The following MYPN variants were observed in gnomAD, a reference collection of about 807,000 sequenced individuals.
MYPN encodes the protein sarcomeric protein myopalladin, 145 kDa (MYOP).
MYPN carries 63 observed loss-of-function variants against 129.4 expected under a neutral mutation model. That is an observed-to-expected ratio of 0.49 (90% CI 0.40 to 0.60). The LOEUF (loss-of-function observed/expected upper bound fraction) is 0.60. Among genes scored for constraint, MYPN ranks in the 20% least tolerant of loss-of-function variants. The probability of loss-of-function intolerance (pLI) is 0.00; values close to 1 mark genes in which losing one functional copy is unlikely to be tolerated. For missense variants in MYPN, 1,596 were observed against 1,635.4 expected, an observed-to-expected ratio of 0.98 and a Z score of 0.42; for synonymous variants, 629 against 600.9, an observed-to-expected ratio of 1.05 and a Z score of -0.68.
Position 68,201,946 on chromosome 10 carries a change from A to G in MYPN, c.3611A>G (p.Tyr1204Cys). The change falls in exon 18 of 20, where the codon TAC (tyrosine) becomes TGC (cysteine). Residue 1204 changes from tyrosine to cysteine, a missense_variant. Coordinates refer to ENST00000358913, the MANE Select transcript of MYPN (RefSeq NM_032578.4). ...ATAGGCATGCCCCCACCTGTGTTCT[A>G]CTGGAAGAAAGACAATGAGACCATC... is the stretch of plus-strand genomic sequence containing the variant. ...RVIGMPPPVF[Y>C]WKKDNETIPC... 6.2e-7 allele frequency: 1 copy of G among 1,614,072 alleles called. No homozygotes were observed. The highest frequency in any genetic ancestry group is 1.1e-5 in the South Asian group (1 of 91,076).
At chr10:68,119,830 G>T (rs1381224375) in intron 1 of MYPN, among the ~76,000 whole-genome samples, 2 of 152,198 alleles carry the variant, frequency 1.3e-5, no homozygotes, top group Admixed American at 1.3e-4. Flanking sequence ...TTTTACTGTG[G>T]ATGGTCCTTT....
chr10:68,094,294 C>A (rs368886867), intron 1 of MYPN, among the ~76,000 whole-genome samples: 1 of 150,338 alleles, frequency 6.7e-6, no homozygotes, highest in Non-Finnish European at 1.5e-5. Flanking sequence ...GATGGAGTTT[C>A]GCTCTTGTTG....
At chr10:68,109,930 A>G (rs1255089178) in intron 1 of MYPN, among the ~76,000 whole-genome samples, 1 of 152,248 alleles carries the variant, frequency 6.6e-6, no homozygotes, top group Non-Finnish European at 1.5e-5. Context: ...ACTCACAGAG[A>G]TCACAGACTA....
rs770384853 is a variant in MYPN, at chr10:68,121,528, T to C, written c.90T>C (p.Asn30=). ...YLAETRHRGN[N]ERSRAEPSSN... ...CTGAAACCAGACATCGGGGAAACAA[T>C]GAGAGGAGTCGAGCGGAGCCCTCCT... Residue 30 remains asparagine (N), a synonymous_variant, in exon 2 of 20, where the codon AAT becomes AAC. Coordinates refer to ENST00000358913, the MANE Select transcript of MYPN (RefSeq NM_032578.4). 1.9e-6 allele frequency: 3 copies of C among 1,614,186 alleles called. No homozygotes were observed. Among genetic ancestry groups the C allele is most frequent in the African/African-American group, 1.3e-5 (1 of 75,050 alleles).
Position 68,146,322 on chromosome 10 carries a change from C to T in MYPN, c.1130+796C>T, listed in dbSNP as rs138260292. Among the ~76,000 whole-genome samples the T allele has an allele frequency of 2.0e-5, 3 of 152,254 alleles. No homozygotes were observed. In the East Asian group the frequency reaches 5.8e-4, roughly 29 times the overall value. ...TGCCCTATCTTCTCTGTCTAGCAAA[C>T]TCTTATTTGTCCTGCAAAACCCAGT... On this transcript the variant is annotated intron_variant, in intron 4 of 19. Coordinates refer to ENST00000358913, the MANE Select transcript of MYPN (RefSeq NM_032578.4).
intron 12 of MYPN, among the ~76,000 whole-genome samples, chr10:68,187,368 A>G (rs895792082): frequency 3.3e-5 from 5 of 151,724 alleles, no homozygotes; most frequent in African/African-American, 1.2e-4. Context: ...GGGAAGTTTT[A>G]TATAGTATAC....
At chr10:68,137,640 T>C (rs565769591) in intron 2 of MYPN, among the ~76,000 whole-genome samples, 69 of 152,300 alleles carry the variant, frequency 4.5e-4, no homozygotes, top group Admixed American at 3.3e-3. Context: ...ATCACTGATT[T>C]CATTAAAAAA....
chr10:68,110,256 T>C (rs926135025), intron 1 of MYPN, among the ~76,000 whole-genome samples: 1 of 151,290 alleles, frequency 6.6e-6, no homozygotes, highest in Non-Finnish European at 1.5e-5. Context: ...TTCTCCTTTC[T>C]CTCTCTCTCT....
upstream of MYPN, among the ~76,000 whole-genome samples, chr10:68,108,724 T>C (rs978576683): frequency 2.7e-5 from 4 of 150,170 alleles, no homozygotes; most frequent in African/African-American, 1.0e-4. Flanking sequence ...TTATTTTTAA[T>C]TTTATTATTT....
intron 16 of MYPN, among the ~76,000 whole-genome samples, chr10:68,198,186 T>C (rs1253586997): frequency 6.6e-6 from 1 of 152,164 alleles, no homozygotes; most frequent in Admixed American, 6.5e-5. Context: ...TCATATGGTG[T>C]CTGGAAGGCC....
At position 68,121,459 on chromosome 10, in the gene MYPN, A is replaced by G. The variant is rs759945622; in HGVS notation, c.21A>G (p.Glu7=). ...ACAGCATGCAAGACGACAGCATAGA[A>G]GCTTCTACTTCCATATCTCAGCTTC... MQDDSI[E]ASTSISQLLR... Residue 7 remains glutamate (E), a synonymous_variant, in exon 2 of 20, where the codon GAA becomes GAG. Coordinates refer to ENST00000358913, the MANE Select transcript of MYPN (RefSeq NM_032578.4). 3.1e-5 allele frequency: 50 copies of G among 1,612,660 alleles called. 1 individual carries two copies. In the South Asian group the frequency reaches 5.2e-4, roughly 17 times the overall value.
intron 1 of MYPN, among the ~76,000 whole-genome samples, chr10:68,091,352 A>G (rs2041930168): frequency 6.6e-6 from 1 of 151,086 alleles, no homozygotes; most frequent in Admixed American, 6.6e-5. Flanking sequence ...ATTTAAGTAT[A>G]AAGACATATA....
In MYPN at chr10:68,182,402, AAC is replaced by A. The variant is rs1220598201; in HGVS notation, c.2704-6499_2704-6498del. ...TATAACACATATATAACATATATAT[AAC>A]ACATATATATAACATATATATAACA... is the stretch of plus-strand genomic sequence containing the variant. On this transcript the variant is annotated intron_variant, in intron 12 of 19. Transcript: ENST00000358913. 6.5e-3 allele frequency among the ~76,000 whole-genome samples: 607 copies of A among 93,534 alleles called. 19 individuals carry two copies. The highest frequency in any genetic ancestry group is 0.012 in the Non-Finnish European group (496 of 41,294). 61.4% of individuals were successfully genotyped at this position (93,534 alleles called of 152,430 possible).
upstream of MYPN, among the ~76,000 whole-genome samples, chr10:68,104,312 C>T (rs2041996941): frequency 1.3e-5 from 2 of 152,170 alleles, no homozygotes; most frequent in Admixed American, 1.3e-4. Flanking sequence ...GGCATATTGG[C>T]ATATTTTGAG....
Position 68,122,104 on chromosome 10 carries a change from T to C in MYPN, c.666T>C (p.Asn222=). 1 of 1,614,160 alleles carries C rather than the reference T, an allele frequency of 6.2e-7. No homozygotes were observed. Among genetic ancestry groups the C allele is most frequent in the East Asian group, 2.2e-5 (1 of 44,870 alleles). ...CTATCCCTGCGGATACCAGGGATAA[T>C]GAAGTGAATCACGCCCTGGAACAGC... ...PIPIPADTRD[N]EVNHALEQQE... The change falls in exon 2 of 20, where the codon AAT becomes AAC. Residue 222 remains asparagine, a synonymous_variant. Transcript: ENST00000358913.
In MYPN at chr10:68,210,389, C is replaced by G; in HGVS notation, c.3897C>G (p.Ser1299=). The G allele has an allele frequency of 6.2e-7, 1 of 1,614,198 alleles. No individual in the cohort carries two copies. Among genetic ancestry groups the G allele is most frequent in the South Asian group, 1.1e-5 (1 of 91,082 alleles). Residue 1299 remains serine, a synonymous_variant, in exon 20 of 20, where the codon TCC becomes TCG. Coordinates refer to ENST00000358913, the MANE Select transcript of MYPN (RefSeq NM_032578.4). The part of the protein sequence containing the change: ...SKGLDIFSAF[S]SMESTMVYSC... Reference sequence around the variant, plus strand: ...GACTTGACATATTTTCTGCCTTTTCCTCCATGGAAAGCACGATGGTGTATT... The same window carrying G: ...GACTTGACATATTTTCTGCCTTTTCGTCCATGGAAAGCACGATGGTGTATT...
chr10:68,182,706 C>T (rs2043357205), intron 12 of MYPN, among the ~76,000 whole-genome samples: 1 of 151,894 alleles, frequency 6.6e-6, no homozygotes, highest in African/African-American at 2.4e-5. Context: ...CGAGGTTTCA[C>T]CCCATTGGAC....
chr10:68,147,823 T>C (rs1344882544), intron 4 of MYPN, among the ~76,000 whole-genome samples: 1 of 152,230 alleles, frequency 6.6e-6, no homozygotes, highest in African/African-American at 2.4e-5. Context: ...TCTCTTGCCC[T>C]TCAAATACTC....
intron 10 of MYPN, among the ~76,000 whole-genome samples, chr10:68,170,186 A>T (rs1452307874): frequency 1.3e-5 from 2 of 152,212 alleles, no homozygotes; most frequent in African/African-American, 2.4e-5. Flanking sequence ...CCCTAGCTGC[A>T]CATATTGCCA....
Sources: allele counts gnomAD v4.1 joint callset (sites outside exome capture counted in the v4.1 genomes callset), GRCh38; gene constraint gnomAD v4.1.1; transcripts MANE v1.5; gene names NCBI Gene and HGNC (gene_info 2026-07-23, HGNC 2026-07-21).